The following ZNF462 variants were observed in gnomAD, a reference collection of about 807,000 sequenced individuals.
The protein encoded by ZNF462 is zinc finger PBX1-interacting protein.
ZNF462 carries 10 observed loss-of-function variants against 201.9 expected under a neutral mutation model. The observed-to-expected ratio is 0.05, with a 90% CI of 0.03 to 0.08. ZNF462 has a LOEUF of 0.08. Ranked by LOEUF, ZNF462 falls within the 10% of genes least tolerant of loss-of-function variation. The probability of loss-of-function intolerance (pLI) is 1.00; values close to 1 mark genes in which losing one functional copy is unlikely to be tolerated. For missense variants in ZNF462, 2,523 were observed against 3,168.3 expected (o/e 0.80, Z 4.89); for synonymous variants, 1,227 against 1,193.3 (o/e 1.03, Z -0.58).
rs997594345 is a variant in ZNF462 at position 107,003,214 on chromosome 9, G to A, written c.7057-80G>A. ...AAAACCACAGTCACAGGAAAATGAT[G>A]TTAGAAAGATCTCTCCATCAGGGAG... is the stretch of plus-strand genomic sequence containing the variant. On this transcript the variant is annotated intron_variant, in intron 10 of 12. Coordinates refer to ENST00000277225, the MANE Select transcript of ZNF462 (RefSeq NM_021224.6). This position sits in a 1 kb window ranked among gnomAD's most constrained non-coding sequence, Gnocchi z 4.4. 1.9e-6 allele frequency: 3 copies of A among 1,554,620 alleles called. No homozygotes were observed. The highest frequency in any genetic ancestry group is 1.4e-5 in the African/African-American group (1 of 72,686).
intron 7 of ZNF462, among the ~76,000 whole-genome samples, chr9:106,946,155 G>C (rs2131705657): frequency 6.6e-6 from 1 of 152,264 alleles, no homozygotes; most frequent in Middle Eastern, 3.4e-3. Context: ...TTCAGAACTA[G>C]TTCCCAGCAA....
At chr9:106,861,573 T>C (rs1827067749), upstream of ZNF462, among the ~76,000 whole-genome samples, 1 of 152,268 alleles carries the variant, frequency 6.6e-6, no homozygotes, top group Admixed American at 6.5e-5. Context: ...CCTGAGGCTG[T>C]TGATGTCCAA....
At chr9:106,992,873 T>C (rs1828392809) in intron 10 of ZNF462, among the ~76,000 whole-genome samples, 2 of 152,084 alleles carry the variant, frequency 1.3e-5, no homozygotes, top group South Asian at 4.1e-4. Flanking sequence ...AAGTTTCCCA[T>C]AACCCAACAC....
At chr9:106,875,589 GA>G (rs1216532579) in intron 1 of ZNF462, among the ~76,000 whole-genome samples, 1 of 152,132 alleles carries the variant, frequency 6.6e-6, no homozygotes, top group Admixed American at 6.5e-5. Context: ...TCCAAATTAT[GA>G]AATTTGCTGC....
chr9:106,860,484 C>T (rs1394744456), upstream of ZNF462, among the ~76,000 whole-genome samples: 1 of 152,092 alleles, frequency 6.6e-6, no homozygotes, highest in Non-Finnish European at 1.5e-5. The surrounding 1 kb of genome is among the most constrained non-coding windows in gnomAD (Gnocchi z 7.1). Flanking sequence ...CCGCCTGGTT[C>T]CCTACGTCCC....
chr9:106,986,608 G>A (rs1263454613), intron 10 of ZNF462, among the ~76,000 whole-genome samples: 3 of 151,996 alleles, frequency 2.0e-5, no homozygotes, highest in Non-Finnish European at 4.4e-5. Context: ...TCTTAGACAC[G>A]GTCTTTTTTA....
chr9:106,911,116 TA>T (rs1329315451), intron 1 of ZNF462, among the ~76,000 whole-genome samples: 1 of 152,036 alleles, frequency 6.6e-6, no homozygotes, highest in African/African-American at 2.4e-5. Context: ...TTAAGGGAGG[TA>T]GGTATCAGTA....
intron 1 of ZNF462, among the ~76,000 whole-genome samples, chr9:106,884,939 C>T (rs1413384375): frequency 6.6e-6 from 1 of 152,100 alleles, no homozygotes; most frequent in Non-Finnish European, 1.5e-5. Flanking sequence ...TGTAGTTGAT[C>T]ATCAATGCTT....
In ZNF462 at chr9:106,923,996, C is replaced by A; in HGVS notation, c.221-137C>A. 2 of 714,052 alleles carry A rather than the reference C, an allele frequency of 2.8e-6. No homozygotes were observed. Among genetic ancestry groups the A allele is most frequent in the Non-Finnish European group, 2.3e-6 (1 of 438,748 alleles). The allele number at this position is 714,052 out of a possible 1,614,324, so 44.2% of individuals were successfully genotyped here. ...TCATTGATGCTTTGTGAATACTCTTCAAGGCCTCATCTTGAGACTTCAGGC... is the reference window on the plus strand; with the variant it reads ...TCATTGATGCTTTGTGAATACTCTTAAAGGCCTCATCTTGAGACTTCAGGC... On this transcript the variant is annotated intron_variant, in intron 2 of 12. Coordinates refer to ENST00000277225, the MANE Select transcript of ZNF462 (RefSeq NM_021224.6). The surrounding 1 kb of genome is among the most constrained non-coding windows in gnomAD (Gnocchi z 5.6).
At position 106,913,130 on chromosome 9, in the gene ZNF462, T is replaced by C. The variant is rs571212025; in HGVS notation, c.-30-10224T>C. On this transcript the variant is annotated intron_variant, in intron 1 of 12. Coordinates refer to ENST00000277225, the MANE Select transcript of ZNF462 (RefSeq NM_021224.6). This position sits in a 1 kb window ranked among gnomAD's most constrained non-coding sequence, Gnocchi z 4.1. Reference sequence around the variant, plus strand: ...CCAGAGGCAGCTTCTCCATGGATGATGAGGAAAAGGAGGATGGTCATTTAC... The same window carrying C: ...CCAGAGGCAGCTTCTCCATGGATGACGAGGAAAAGGAGGATGGTCATTTAC... Among the ~76,000 whole-genome samples, 3 of 152,282 alleles carry C rather than the reference T, an allele frequency of 2.0e-5. No individual in the cohort carries two copies. The South Asian group carries it at 6.2e-4, about 32-fold the overall frequency.
chr9:106,898,562 A>G (rs1564084158), intron 1 of ZNF462, among the ~76,000 whole-genome samples: 1 of 152,204 alleles, frequency 6.6e-6, no homozygotes, highest in Non-Finnish European at 1.5e-5. Flanking sequence ...AATGCCCAGG[A>G]CAGCCTCTCA....
At chr9:106,906,109 A>G (rs908477021) in intron 1 of ZNF462, among the ~76,000 whole-genome samples, 5 of 152,120 alleles carry the variant, frequency 3.3e-5, no homozygotes, top group Admixed American at 6.5e-5. Flanking sequence ...TTGGCTCTCT[A>G]ACTTGACTCA....
In ZNF462 at chr9:106,920,649, C is replaced by G. The variant is rs553713487; in HGVS notation, c.-30-2705C>G. On this transcript the variant is annotated intron_variant, in intron 1 of 12. Transcript: ENST00000277225. This position sits in a 1 kb window ranked among gnomAD's most constrained non-coding sequence, Gnocchi z 4.3. ...GTGACTCTTTTTCTGATCTCATAAC[C>G]CTTTAATCTCCTTTGTAGCAGAACA... Among the ~76,000 whole-genome samples the G allele has an allele frequency of 6.6e-6, 1 of 152,112 alleles. No homozygotes were observed. Among genetic ancestry groups the G allele is most frequent in the Non-Finnish European group, 1.5e-5 (1 of 68,020 alleles).
At chr9:106,879,338 C>CA (rs1554693626) in intron 1 of ZNF462, among the ~76,000 whole-genome samples, 56 of 107,108 alleles carry the variant, frequency 5.2e-4, no homozygotes, top group Non-Finnish European at 7.6e-4. Flanking sequence ...TTCCACCCCC[C>CA]CCCCCACCCC....
chr9:106,888,662 T>A (rs1564078285), intron 1 of ZNF462, among the ~76,000 whole-genome samples: 1 of 152,202 alleles, frequency 6.6e-6, no homozygotes, highest in African/African-American at 2.4e-5. Flanking sequence ...CATTGGCTAC[T>A]CCACATCTGT....
chr9:107,009,369 C>A lies in ZNF462; in HGVS notation c.7190-176C>A. On this transcript the variant is annotated intron_variant, in intron 11 of 12. Coordinates refer to ENST00000277225, the MANE Select transcript of ZNF462 (RefSeq NM_021224.6). The surrounding 1 kb of genome is among the most constrained non-coding windows in gnomAD (Gnocchi z 6.1). The stretch of plus-strand genomic sequence containing the variant: ...AAGAACCAGAAACAGTTCTCGAATG[C>A]TATTCAAGGAATGCCCTAAGGGGGA... The A allele has an allele frequency of 1.3e-6, 1 of 751,768 alleles. No individual in the cohort carries two copies. The highest frequency in any genetic ancestry group is 2.0e-6 in the Non-Finnish European group (1 of 489,810). 46.6% of individuals were successfully genotyped at this position (751,768 alleles called of 1,614,324 possible).
chr9:107,009,042 GCCT>G lies in ZNF462; in HGVS notation c.7190-502_7190-500del, dbSNP rs1308634710. 1 of 155,100 alleles carries G rather than the reference GCCT, an allele frequency of 6.4e-6. No homozygotes were observed. Among genetic ancestry groups the G allele is most frequent in the African/African-American group, 2.4e-5 (1 of 41,478 alleles). 9.6% of individuals were successfully genotyped at this position (155,100 alleles called of 1,614,324 possible). A position where few individuals can be genotyped will look rare whatever the true frequency, so the allele number is the denominator to read the frequency against. On this transcript the variant is annotated intron_variant, in intron 11 of 12. Coordinates refer to ENST00000277225, the MANE Select transcript of ZNF462 (RefSeq NM_021224.6). This position sits in a 1 kb window ranked among gnomAD's most constrained non-coding sequence, Gnocchi z 6.1. ...TATGATGGATGACCACAAGTCATGA[GCCT>G]TCAGCCTTACTTGGAACAAGTAGAA...
In ZNF462 at chr9:106,895,268, A is replaced by G. The variant is rs1267909993; in HGVS notation, c.-30-28086A>G. ...AGCTTAGACCACAGCTCATTAGTTA[A>G]CTCTGGATGGGTCAGAAAGTGGTGA... On this transcript the variant is annotated intron_variant, in intron 1 of 12. Transcript: ENST00000277225. The surrounding 1 kb of genome is among the most constrained non-coding windows in gnomAD (Gnocchi z 4.4). 6.6e-6 allele frequency among the ~76,000 whole-genome samples: 1 copy of G among 152,126 alleles called. No homozygotes were observed. Among genetic ancestry groups the G allele is most frequent in the African/African-American group, 2.4e-5 (1 of 41,420 alleles).
At position 106,966,853 on chromosome 9, in the gene ZNF462, T is replaced by C. The variant is rs1457318018; in HGVS notation, c.6428-5152T>C. The stretch of plus-strand genomic sequence containing the variant: ...GACCAACAAGCCTGTCTTCCAAGTC[T>C]GCACAAAAATCTAGCTCAAATATAA... On this transcript the variant is annotated intron_variant, in intron 7 of 12. Transcript: ENST00000277225. This position sits in a 1 kb window ranked among gnomAD's most constrained non-coding sequence, Gnocchi z 4.4. Among the ~76,000 whole-genome samples the C allele has an allele frequency of 6.6e-6, 1 of 152,152 alleles. No individual in the cohort carries two copies. The highest frequency in any genetic ancestry group is 1.5e-5 in the Non-Finnish European group (1 of 68,012).
Sources: allele counts gnomAD v4.1 joint callset (sites outside exome capture counted in the v4.1 genomes callset), GRCh38; gene constraint gnomAD v4.1.1; non-coding constraint Gnocchi (gnomAD v3.1); transcripts MANE v1.5; gene names NCBI Gene and HGNC (gene_info 2026-07-23, HGNC 2026-07-21).